Variants in PGD observed in about 807,000 individuals in gnomAD.
The protein encoded by PGD is 6-phosphogluconate dehydrogenase, decarboxylating.
Under a neutral mutation model 60.4 loss-of-function variants are expected in PGD, and 21 were observed. The ratio of observed to expected loss-of-function variants is 0.35; its 90% CI spans 0.25 to 0.50. The LOEUF (loss-of-function observed/expected upper bound fraction) is 0.50. PGD is among the 20% of genes least tolerant of loss of function. The probability of loss-of-function intolerance (pLI) is 0.98; values close to 1 mark genes in which losing one functional copy is unlikely to be tolerated. For missense variants in PGD, 477 were observed against 613.1 expected (o/e 0.78, Z 2.34); for synonymous variants, 230 against 235.9 (o/e 0.97, Z 0.23).
At chr1:10,407,991 A>C (rs1002814623) in intron 5 of PGD, 80 bp from the exon 6 acceptor site, 1 of 812,854 alleles carries the variant, frequency 1.2e-6, no homozygotes, top group Non-Finnish European at 2.2e-6. Context: ...GTTGGTGTCT[A>C]TGGGTATGTT....
At chr1:10,418,629 G>C (rs1441877689) in intron 10 of PGD, among the ~76,000 whole-genome samples, 197 bp from the exon 11 acceptor site, 1 of 152,058 alleles carries the variant, frequency 6.6e-6, no homozygotes, top group Non-Finnish European at 1.5e-5. Flanking sequence ...ACAAAAATTA[G>C]CCGGTTGTAG....
At position 10,399,722 on chromosome 1, in the gene PGD, G is replaced by A. The variant is rs3737155; in HGVS notation, c.84+18G>A. 523,106 of 1,610,080 alleles carry A rather than the reference G, an allele frequency of 0.32. 85,789 individuals are homozygous for A. Among genetic ancestry groups the A allele is most frequent in the Admixed American group, 0.38 (22,556 of 59,960 alleles). On this transcript the variant is annotated intron_variant, in intron 2 of 12. Coordinates refer to ENST00000270776, the MANE Select transcript of PGD (RefSeq NM_002631.4). Reference sequence around the variant, plus strand: ...GCTTTGTGGTAAGCGGCGTGGGCGCGTTGTCTTCTCTCTGGTTCCCGGGCG... The same window carrying A: ...GCTTTGTGGTAAGCGGCGTGGGCGCATTGTCTTCTCTCTGGTTCCCGGGCG...
chr1:10,418,956 C>T (rs1639643457), intron 11 of PGD, 31 bp downstream of exon 11: 1 of 1,171,554 alleles, frequency 8.5e-7, no homozygotes, highest in South Asian at 1.3e-5. Context: ...GCCATGGTTA[C>T]TCTACCTCCC....
chr1:10,404,421 T>C, intron 5 of PGD, 142 bp downstream of exon 5: 1 of 496,210 alleles, frequency 2.0e-6, no homozygotes, highest in East Asian at 3.3e-5. Context: ...TTCTTTTATC[T>C]AGACATTTTG....
In PGD at chr1:10,417,365, T is replaced by G; in HGVS notation, c.976-11T>G. ...ATGGCAATCCTAGTAGGTCTCTGTG[T>G]CACTCTTTAGGCACTCTACGCTTCC... On this transcript the variant is annotated splice_polypyrimidine_tract_variant and intron_variant, in intron 9 of 12. Transcript: ENST00000270776. The G allele has an allele frequency of 6.2e-7, 1 of 1,600,538 alleles. No homozygotes were observed. The highest frequency in any genetic ancestry group is 1.8e-4 in the Middle Eastern group (1 of 5,516).
chr1:10,419,980 G>A lies in PGD; in HGVS notation c.*231G>A. The stretch of plus-strand genomic sequence containing the variant: ...AGGAGCTGCTCATGTGCGTGAGAGT[G>A]GGAACCATCTCCTTGCGGCAGTGGC... On this transcript the variant is annotated 3_prime_UTR_variant, in exon 13 of 13. Transcript: ENST00000270776. 1.9e-6 allele frequency: 1 copy of A among 530,466 alleles called. No homozygotes were observed. Among genetic ancestry groups the A allele is most frequent in the Non-Finnish European group, 3.4e-6 (1 of 295,458 alleles). The allele number at this position is 530,466 out of a possible 1,614,324, so 32.9% of individuals were successfully genotyped here. A position where few individuals can be genotyped will look rare whatever the true frequency, so the allele number is the denominator to read the frequency against.
At position 10,417,395 on chromosome 1, in the gene PGD, T is replaced by G. The variant is rs1344741370; in HGVS notation, c.995T>G (p.Ile332Ser). ...DIRKALYASK[I>S]ISYAQGFMLL... ...CTTTAGGCACTCTACGCTTCCAAGA[T>G]CATCTCTTACGCTCAAGGCTTTATG... The change falls in exon 10 of 13, where the codon ATC (isoleucine) becomes AGC (serine). Residue 332 changes from isoleucine (I) to serine (S), a missense_variant. Physicochemically the swap from Ile to Ser is moderately radical, Grantham distance 142. Coordinates refer to ENST00000270776, the MANE Select transcript of PGD (RefSeq NM_002631.4). 6.2e-7 allele frequency: 1 copy of G among 1,612,156 alleles called. No individual in the cohort carries two copies. Among genetic ancestry groups the G allele is most frequent in the Non-Finnish European group, 8.5e-7 (1 of 1,179,240 alleles).
At chr1:10,417,156 G>T in intron 9 of PGD, 39 bp downstream of exon 9, 2 of 1,611,264 alleles carry the variant, frequency 1.2e-6, no homozygotes, top group Non-Finnish European at 1.7e-6. Flanking sequence ...TGTTGGTCCT[G>T]CGGAAGGCAG....
chr1:10,401,375 C>T (rs1342532309), intron 3 of PGD, among the ~76,000 whole-genome samples: 1 of 152,162 alleles, frequency 6.6e-6, no homozygotes, highest in Non-Finnish European at 1.5e-5. Flanking sequence ...ATAGTAACAA[C>T]TCTGAAAAAA....
chr1:10,406,100 G>A (rs1639399956), intron 5 of PGD, among the ~76,000 whole-genome samples: 1 of 152,148 alleles, frequency 6.6e-6, no homozygotes, highest in Admixed American at 6.5e-5. Flanking sequence ...TGATCTGCCT[G>A]CCTCAGCCTC....
intron 5 of PGD, among the ~76,000 whole-genome samples, chr1:10,407,679 C>T (rs1639430142): frequency 6.6e-6 from 1 of 152,142 alleles, no homozygotes; most frequent in South Asian, 2.1e-4. Flanking sequence ...GCGGTGGTGG[C>T]TTATGCCTGT....
chr1:10,419,565 C>A (rs762681919), intron 12 of PGD, 26 bp downstream of exon 12: 9 of 1,613,920 alleles, frequency 5.6e-6, no homozygotes, highest in Non-Finnish European at 7.6e-6. Context: ...AGGGATTAAC[C>A]TGGCTGGCCC....
At position 10,399,082 on chromosome 1, in the gene PGD, G is replaced by A; in HGVS notation, c.-36G>A. The A allele has an allele frequency of 1.9e-6, 3 of 1,608,864 alleles. No individual in the cohort carries two copies. The highest frequency in any genetic ancestry group is 2.5e-6 in the Non-Finnish European group (3 of 1,179,492). ...GGTCTTTCCCTCACTCGTCCTCCGC[G>A]CGTCGCCGCTCTTCGGTTCTGCTCT... On this transcript the variant is annotated 5_prime_UTR_variant, in exon 1 of 13. Coordinates refer to ENST00000270776, the MANE Select transcript of PGD (RefSeq NM_002631.4).
chr1:10,414,357 C>T (rs910453050), intron 8 of PGD, among the ~76,000 whole-genome samples: 4 of 151,390 alleles, frequency 2.6e-5, no homozygotes, highest in African/African-American at 7.3e-5. Context: ...AAATCTTGGC[C>T]GGGGGGGTGG....
chr1:10,399,269 G>C lies in PGD; in HGVS notation c.8+144G>C, dbSNP rs1185688970. On this transcript the variant is annotated intron_variant, in intron 1 of 12. Coordinates refer to ENST00000270776, the MANE Select transcript of PGD (RefSeq NM_002631.4). ...TGGGGCTCTGTGACCCTGGCCCTAC[G>C]GCGTCTCGGGCCCAGAGCTCCTTCC... 5.2e-6 allele frequency: 5 copies of C among 955,848 alleles called. No individual in the cohort carries two copies. The Admixed American group carries it at 1.2e-4, about 23-fold the overall frequency. The allele number at this position is 955,848 out of a possible 1,614,324, so 59.2% of individuals were successfully genotyped here.
intron 9 of PGD, 57 bp from the exon 10 acceptor site, chr1:10,417,319 C>T: frequency 1.3e-6 from 2 of 1,546,258 alleles, no homozygotes; most frequent in Admixed American, 1.8e-5. Context: ...GACTGGTAGA[C>T]ATAAGGCGGT....
chr1:10,406,289 C>T (rs1287176306), intron 5 of PGD, among the ~76,000 whole-genome samples: 1 of 152,040 alleles, frequency 6.6e-6, no homozygotes, highest in East Asian at 1.9e-4. Context: ...GTGGCTTGCA[C>T]CTGTAGTGCC....
Position 10,419,721 on chromosome 1 carries a change from C to A in PGD, c.1424C>A (p.Thr475Asn), listed in dbSNP as rs768652850. The A allele has an allele frequency of 6.8e-6, 11 of 1,614,090 alleles. No homozygotes were observed. The Admixed American group carries it at 1.8e-4, about 27-fold the overall frequency. ...ACCAACTGGACAGGCCATGGTGGCA[C>A]CGTGTCATCCTCGTCATACAATGCC... ...IHTNWTGHGGTVSSSSYNA is the reference protein window; with the variant it reads ...IHTNWTGHGGNVSSSSYNA Residue 475 changes from threonine (T) to asparagine (N), a missense_variant, in exon 13 of 13, where the codon ACC (threonine) becomes AAC (asparagine). Around this residue, in one of 3 missense-constraint regions of PGD, gnomAD observed 44 missense variants for 40.3 expected, o/e 1.09. Transcript: ENST00000270776.
chr1:10,399,274 C>T (rs1639267811), intron 1 of PGD, 149 bp downstream of exon 1: 4 of 952,356 alleles, frequency 4.2e-6, no homozygotes, highest in Non-Finnish European at 6.2e-6. Flanking sequence ...CCTACGGCGT[C>T]TCGGGCCCAG....
Sources: gnomAD v4.1 joint callset for allele counts (sites outside exome capture counted in the v4.1 genomes callset) on GRCh38, gnomAD v4.1.1 for gene constraint, gnomAD v4.1.1 regional missense constraint, MANE v1.5 for transcripts, NCBI Gene and HGNC (gene_info 2026-07-23, HGNC 2026-07-21) for gene names.